RBL1: variants seen among roughly 807,000 people sequenced by gnomAD.
The protein encoded by RBL1 is retinoblastoma-like protein 1.
In RBL1, 82 loss-of-function variants were observed where a neutral mutation model predicts 123.0. That is an observed-to-expected ratio of 0.67 (90% CI 0.56 to 0.80). The LOEUF is 0.80. RBL1 is among the 30% of genes least tolerant of loss of function. The pLI, the probability that RBL1 is intolerant of heterozygous loss-of-function variation, is 0.00. For synonymous variants in RBL1, 405 were observed against 441.3 expected (o/e 0.92, Z 1.03); for missense variants, 1,171 against 1,299.6 (o/e 0.90, Z 1.52).
chr20:37,081,882 A>T, intron 2 of RBL1: 1 of 391,608 alleles, frequency 2.6e-6, no homozygotes, highest in East Asian at 7.6e-5. Context: ...CTGAGAGGAG[A>T]CTCACCAGAG....
chr20:37,000,724 G>A (rs1389794062), intron 21 of RBL1, among the ~76,000 whole-genome samples: 2 of 131,704 alleles, frequency 1.5e-5, no homozygotes, highest in Non-Finnish European at 3.3e-5. Flanking sequence ...GGGAGGCGGG[G>A]AGGTCAGCCC....
At chr20:37,094,697 T>G (rs1429128777) in intron 1 of RBL1, among the ~76,000 whole-genome samples, 4 of 152,196 alleles carry the variant, frequency 2.6e-5, no homozygotes, top group Non-Finnish European at 4.4e-5. Flanking sequence ...AGTGCAGTGG[T>G]GTGATCTCCA....
intron 19 of RBL1, among the ~76,000 whole-genome samples, chr20:37,017,144 G>A (rs1488440487): frequency 6.6e-6 from 1 of 151,810 alleles, no homozygotes; most frequent in Non-Finnish European, 1.5e-5. Flanking sequence ...AGGCCAAGGT[G>A]GGCGGATCAC....
intron 14 of RBL1, among the ~76,000 whole-genome samples, chr20:37,039,124 C>T (rs908896277): frequency 2.0e-5 from 3 of 152,044 alleles, no homozygotes; most frequent in African/African-American, 7.2e-5. Context: ...CACATCAGCT[C>T]GCTACATCAC....
At chr20:37,076,815 A>AT (rs1443270237) in intron 2 of RBL1, among the ~76,000 whole-genome samples, 1 of 152,122 alleles carries the variant, frequency 6.6e-6, no homozygotes, top group African/African-American at 2.4e-5. Flanking sequence ...ATTGTATACC[A>AT]TTCCTTTTAT....
chr20:37,026,094 C>T (rs1267612502), intron 16 of RBL1, among the ~76,000 whole-genome samples: 2 of 152,116 alleles, frequency 1.3e-5, no homozygotes, highest in Admixed American at 6.6e-5. Flanking sequence ...ATACTATTTA[C>T]ACAGACTTTA....
intron 15 of RBL1, among the ~76,000 whole-genome samples, chr20:37,033,906 T>C (rs1055751756): frequency 8.6e-5 from 13 of 150,422 alleles, no homozygotes; most frequent in African/African-American, 3.2e-4. Flanking sequence ...TGTGAGCCAC[T>C]GTGCCTGGCG....
In RBL1 at chr20:37,095,752, GC is replaced by G; in HGVS notation, c.156+20del. The G allele has an allele frequency of 6.4e-7, 1 of 1,567,120 alleles. No individual in the cohort carries two copies. Reference sequence around the variant, plus strand: ...GGCCTGGCGAGGGTAGGGTCCGGCCGCCCCACCTGCTGCCGCTCACCTCTAG... The same window carrying G: ...GGCCTGGCGAGGGTAGGGTCCGGCCGCCCACCTGCTGCCGCTCACCTCTAG... On this transcript the variant is annotated intron_variant, in intron 1 of 21. Coordinates refer to ENST00000373664, the MANE Select transcript of RBL1 (RefSeq NM_002895.5).
intron 15 of RBL1, 126 bp downstream of exon 15, chr20:37,035,116 T>TAAAAA: frequency 2.5e-6 from 2 of 813,238 alleles, no homozygotes; most frequent in Non-Finnish European, 1.8e-6. Context: ...CAAATCTATT[T>TAAAAA]AAAAAAAAAA....
intron 11 of RBL1, among the ~76,000 whole-genome samples, chr20:37,055,043 G>C (rs1249340077): frequency 6.6e-6 from 1 of 152,114 alleles, no homozygotes; most frequent in Non-Finnish European, 1.5e-5. Context: ...GGATAGAAAA[G>C]TTAGAAGACT....
chr20:37,016,322 C>T (rs1365120141), intron 19 of RBL1, among the ~76,000 whole-genome samples: 1 of 152,130 alleles, frequency 6.6e-6, no homozygotes, highest in Non-Finnish European at 1.5e-5. Flanking sequence ...GCCACCACAC[C>T]CGGCTAGGGT....
chr20:37,035,060 C>A (rs6030903), intron 15 of RBL1, among the ~76,000 whole-genome samples, 182 bp downstream of exon 15: 1,887 of 151,828 alleles, frequency 0.012, 46 homozygotes, highest in African/African-American at 0.043. Flanking sequence ...AATGTCTGTA[C>A]CTTCCTCTGA....
chr20:37,016,199 TG>T (rs2064250416), intron 19 of RBL1, among the ~76,000 whole-genome samples: 1 of 152,012 alleles, frequency 6.6e-6, no homozygotes, highest in African/African-American at 2.4e-5. Flanking sequence ...AGCTAATTTT[TG>T]TATTTTTAGT....
chr20:37,041,361 G>A (rs1021312065), intron 13 of RBL1, among the ~76,000 whole-genome samples: 1 of 151,790 alleles, frequency 6.6e-6, no homozygotes, highest in African/African-American at 2.4e-5. Context: ...TCGCTCTGTT[G>A]TCCAGGCTGG....
chr20:37,067,053 T>A lies in RBL1; in HGVS notation c.625A>T (p.Ile209Phe). The change falls in exon 5 of 22, where the codon ATT becomes TTT. Residue 209 changes from isoleucine to phenylalanine, a missense_variant. Coordinates refer to ENST00000373664, the MANE Select transcript of RBL1 (RefSeq NM_002895.5). The stretch of plus-strand genomic sequence containing the variant: ...GGGCACATAATCGCATTGGCAAAAA[T>A]CAGATCCAAGCAGCATAGAAGTAAA... Reference protein sequence around the residue: ...YHLLLCCLDLIFANAIMCPNR... With the variant: ...YHLLLCCLDLFFANAIMCPNR... The A allele has an allele frequency of 6.2e-7, 1 of 1,606,718 alleles. No individual in the cohort carries two copies. The highest frequency in any genetic ancestry group is 8.5e-7 in the Non-Finnish European group (1 of 1,177,608).
chr20:37,051,421 T>C (rs1244486229), intron 11 of RBL1, among the ~76,000 whole-genome samples: 2 of 152,182 alleles, frequency 1.3e-5, no homozygotes, highest in Non-Finnish European at 2.9e-5. Flanking sequence ...CCTTAGGTGA[T>C]CCACCTGCGT....
intron 6 of RBL1, 78 bp downstream of exon 6, chr20:37,066,646 C>G: frequency 7.3e-7 from 1 of 1,376,466 alleles, no homozygotes; most frequent in Non-Finnish European, 1.0e-6. Flanking sequence ...ATGCTGAGAA[C>G]TTGCTTAAAA....
Position 37,035,233 on chromosome 20 carries a change from T to G in RBL1, c.2170+9A>C, listed in dbSNP as rs745453921. 1.2e-6 allele frequency: 2 copies of G among 1,608,340 alleles called. No homozygotes were observed. The highest frequency in any genetic ancestry group is 2.2e-5 in the South Asian group (2 of 90,512). ...GAAAAAGTACAAAACAAATGCACTA[T>G]AACGTTACCATGTAATGGAATTGTA... On this transcript the variant is annotated intron_variant, in intron 15 of 21. Coordinates refer to ENST00000373664, the MANE Select transcript of RBL1 (RefSeq NM_002895.5).
At chr20:37,023,520 A>C (rs2064375427) in intron 16 of RBL1, among the ~76,000 whole-genome samples, 1 of 152,172 alleles carries the variant, frequency 6.6e-6, no homozygotes, top group African/African-American at 2.4e-5. Context: ...AATAAATGAA[A>C]TATTTGACTC....
Sources: gnomAD v4.1 joint callset for allele counts (sites outside exome capture counted in the v4.1 genomes callset) on GRCh38, gnomAD v4.1.1 for gene constraint, MANE v1.5 for transcripts, NCBI Gene and HGNC (gene_info 2026-07-23, HGNC 2026-07-21) for gene names.